Variants in RSPH10B observed in about 807,000 individuals in gnomAD.
RSPH10B encodes radial spoke head 10 homolog B, also known as radial spoke head 10 homolog B (Chlamydomonas).
In RSPH10B, 7 loss-of-function variants were observed where a neutral mutation model predicts 52.5. The observed-to-expected ratio is 0.13, with a 90% CI of 0.08 to 0.25. The LOEUF (loss-of-function observed/expected upper bound fraction) is 0.25, where lower values mean the gene tolerates loss of function less well. Among genes scored for constraint, RSPH10B ranks in the 10% least tolerant of loss-of-function variants. The probability of loss-of-function intolerance (pLI) is 1.00; values close to 1 mark genes in which losing one functional copy is unlikely to be tolerated. For synonymous variants in RSPH10B, 28 were observed against 193.2 expected, an observed-to-expected ratio of 0.14 and a Z score of 7.09; for missense variants, 89 against 542.5, an observed-to-expected ratio of 0.16 and a Z score of 8.30.
intron 18 of RSPH10B, among the ~76,000 whole-genome samples, chr7:5,927,080 G>GTGTATATATATATGTGTATATATATATA (rs1779520757): frequency 3.8e-5 from 5 of 132,140 alleles, no homozygotes; most frequent in Non-Finnish European, 4.9e-5. Flanking sequence ...ATGTGTGTGT[G>GTGTATATATATATGTGTATATATATATA]TGTGTGTGTG....
chr7:5,942,017 G>A (rs1408901235), intron 13 of RSPH10B, among the ~76,000 whole-genome samples: 9 of 149,306 alleles, frequency 6.0e-5, no homozygotes, highest in African/African-American at 1.5e-4. Flanking sequence ...CTCAGCCTCC[G>A]AAGTGGCTGG....
chr7:5,927,503 C>G (rs1340050164), intron 18 of RSPH10B, among the ~76,000 whole-genome samples: 60 of 107,872 alleles, frequency 5.6e-4, no homozygotes, highest in Non-Finnish European at 2.5e-4. Flanking sequence ...AGCTGAAAGT[C>G]CCAACCTTCT....
chr7:5,943,944 C>G (rs140604444), exon 12 of RSPH10B: 1 of 1,601,890 alleles, frequency 6.2e-7, no homozygotes, highest in Non-Finnish European at 8.5e-7. Flanking sequence ...CGAATGTTCT[C>G]GGTCATCAGT....
chr7:5,957,014 A>G (rs1468300930), intron 6 of RSPH10B, among the ~76,000 whole-genome samples: 1 of 34,330 alleles, frequency 2.9e-5, no homozygotes, highest in Non-Finnish European at 6.9e-5. Flanking sequence ...TTTCTAAAAA[A>G]AAAAAAATTA....
intron 13 of RSPH10B, among the ~76,000 whole-genome samples, chr7:5,941,489 A>G (rs1562565628): frequency 6.7e-6 from 1 of 148,698 alleles, no homozygotes; most frequent in Non-Finnish European, 1.5e-5. Context: ...TCACGCCTGT[A>G]ATCCCAGCAC....
chr7:5,940,989 A>G (rs1320441079), intron 13 of RSPH10B, among the ~76,000 whole-genome samples: 2 of 84,342 alleles, frequency 2.4e-5, no homozygotes, highest in Admixed American at 2.9e-4. Flanking sequence ...GCAATTGCAA[A>G]CATGCTTGAA....
chr7:5,942,999 C>A (rs1780285281), intron 13 of RSPH10B, among the ~76,000 whole-genome samples: 1 of 148,016 alleles, frequency 6.8e-6, no homozygotes, highest in African/African-American at 2.5e-5. Context: ...TCCTTGACCT[C>A]AGGTGATCCG....
At chr7:5,926,506 A>G (rs1224132007) in exon 19 of RSPH10B, 1 of 1,604,954 alleles carries the variant, frequency 6.2e-7, no homozygotes, top group African/African-American at 1.3e-5. Context: ...CCTCATAGTC[A>G]TGTCTCTTGG....
At chr7:5,942,178 T>C (rs1487435982) in intron 13 of RSPH10B, among the ~76,000 whole-genome samples, 1 of 145,844 alleles carries the variant, frequency 6.9e-6, no homozygotes, top group Non-Finnish European at 1.5e-5. Context: ...TTAAAAAGAT[T>C]TCAGTTGACT....
upstream of RSPH10B, among the ~76,000 whole-genome samples, chr7:5,968,592 C>T (rs1212410368): frequency 2.9e-5 from 2 of 68,716 alleles, no homozygotes; most frequent in African/African-American, 4.6e-5. Context: ...CTGCAAGCTC[C>T]ACCTCCCGGG....
intron 17 of RSPH10B, among the ~76,000 whole-genome samples, chr7:5,931,502 G>C (rs1277733838): frequency 6.6e-6 from 1 of 151,488 alleles, no homozygotes; most frequent in Non-Finnish European, 1.5e-5. Flanking sequence ...AAGGCGGGAA[G>C]ATCACTTGGG....
intron 3 of RSPH10B, among the ~76,000 whole-genome samples, chr7:5,961,683 GT>G (rs537304711): frequency 0.14 from 1,621 of 11,628 alleles, 22 homozygotes; most frequent in African/African-American, 0.19. Flanking sequence ...TTGTTTTTTT[GT>G]TTTTTTGAGA....
intron 17 of RSPH10B, among the ~76,000 whole-genome samples, chr7:5,929,043 C>G (rs182899786): frequency 1.4e-5 from 2 of 146,514 alleles, no homozygotes; most frequent in Admixed American, 1.4e-4. Context: ...GACAAGCTCT[C>G]TATGGCCCAG....
chr7:5,947,843 T>C (rs1004765511), intron 10 of RSPH10B, among the ~76,000 whole-genome samples: 1 of 78,040 alleles, frequency 1.3e-5, no homozygotes, highest in Non-Finnish European at 2.7e-5. Context: ...GGCCTGGGGG[T>C]TGGGGACCCC....
Position 5,944,850 on chromosome 7 carries a change from C to A in RSPH10B, c.1529+214G>T, listed in dbSNP as rs1415220781. 6.1e-5 allele frequency among the ~76,000 whole-genome samples: 9 copies of A among 146,704 alleles called. 1 individual carries two copies. The highest frequency in any genetic ancestry group is 1.0e-4 in the Non-Finnish European group (7 of 67,128). On this transcript the variant is annotated intron_variant, in intron 11 of 18. Coordinates refer to ENST00000337579, the Ensembl canonical transcript of RSPH10B. ...TGGTGGCACATGCCTGTCATCTCAG[C>A]TACCCAGGAGCCTGAGGCAGAAGAA...
intron 18 of RSPH10B, among the ~76,000 whole-genome samples, chr7:5,927,851 G>C (rs1228653690): frequency 2.0e-5 from 3 of 146,596 alleles, no homozygotes; most frequent in African/African-American, 7.6e-5. Flanking sequence ...CAAGAGAATC[G>C]CTTGAACCCG....
rs1465429840 is a variant in RSPH10B, at chr7:5,944,832, A to T, written c.1529+232T>A. Among the ~76,000 whole-genome samples, 2 of 146,798 alleles carry T rather than the reference A, an allele frequency of 1.4e-5. 1 individual carries two copies. Among genetic ancestry groups the T allele is most frequent in the Non-Finnish European group, 3.0e-5 (2 of 67,094 alleles). ...AAAAAAATTAGCCAGGCATGGTGGC[A>T]CATGCCTGTCATCTCAGCTACCCAG... On this transcript the variant is annotated intron_variant, in intron 11 of 18. Coordinates refer to ENST00000337579, the Ensembl canonical transcript of RSPH10B.
chr7:5,942,731 G>C (rs551597593), intron 13 of RSPH10B, among the ~76,000 whole-genome samples: 1 of 150,612 alleles, frequency 6.6e-6, no homozygotes, highest in East Asian at 2.0e-4. Flanking sequence ...GTGTGGTGGC[G>C]GGCACCTGTA....
intron 17 of RSPH10B, 105 bp from the exon 20 acceptor site, chr7:5,928,499 C>T (rs1328487886): frequency 1.8e-5 from 27 of 1,535,870 alleles, no homozygotes; most frequent in Non-Finnish European, 2.2e-5. Flanking sequence ...GCCCCCTTCT[C>T]CTCGGCCAGG....
Sources: allele counts gnomAD v4.1 joint callset (sites outside exome capture counted in the v4.1 genomes callset), GRCh38; gene constraint gnomAD v4.1.1; transcripts MANE v1.5; gene names NCBI Gene and HGNC (gene_info 2026-07-23, HGNC 2026-07-21).